Variants in DNAI7 observed in about 807,000 individuals in gnomAD.
The protein encoded by DNAI7 is dynein axonemal intermediate chain 7.
Under a neutral mutation model 86.6 loss-of-function variants are expected in DNAI7, and 78 were observed. The observed-to-expected ratio is 0.90, with a 90% CI of 0.75 to 1.09. The LOEUF is 1.09. DNAI7 is among the 50% of genes least tolerant of loss of function. The pLI, the probability that DNAI7 is intolerant of heterozygous loss-of-function variation, is 0.00. For synonymous variants in DNAI7, 274 were observed against 273.0 expected, an observed-to-expected ratio of 1.00 and a Z score of -0.04; for missense variants, 753 against 810.2, an observed-to-expected ratio of 0.93 and a Z score of 0.86.
intron 1 of DNAI7, among the ~76,000 whole-genome samples, chr12:25,192,501 T>C (rs149297352): frequency 6.6e-6 from 1 of 152,282 alleles, no homozygotes; most frequent in African/African-American, 2.4e-5. Context: ...TGTGGTTTAG[T>C]AGATGTTATG....
intron 9 of DNAI7, among the ~76,000 whole-genome samples, chr12:25,138,213 C>T (rs905447403): frequency 2.0e-5 from 3 of 152,134 alleles, no homozygotes; most frequent in African/African-American, 7.2e-5. Flanking sequence ...CCTGTAATCC[C>T]AGCAGTTTTG....
intron 3 of DNAI7, 154 bp from the exon 4 acceptor site, chr12:25,158,717 C>A: frequency 6.8e-7 from 1 of 1,475,826 alleles, no homozygotes; most frequent in Non-Finnish European, 9.0e-7. Context: ...AGTGTCAGTT[C>A]TCCTTTCTTC....
chr12:25,183,211 T>C (rs1949722496), intron 2 of DNAI7, among the ~76,000 whole-genome samples: 1 of 151,738 alleles, frequency 6.6e-6, no homozygotes, highest in Non-Finnish European at 1.5e-5. Flanking sequence ...GTAGAAACAA[T>C]AGACACTGGG....
At chr12:25,141,927 G>A (rs1482070841) in intron 9 of DNAI7, among the ~76,000 whole-genome samples, 1 of 152,180 alleles carries the variant, frequency 6.6e-6, no homozygotes, top group Non-Finnish European at 1.5e-5. Flanking sequence ...CTGATGGTGG[G>A]AATGTAAACT....
chr12:25,155,389 T>G lies in DNAI7; in HGVS notation c.222A>C (p.Glu74Asp), dbSNP rs138918087. 210 of 1,598,550 alleles carry G rather than the reference T, an allele frequency of 1.3e-4. No individual in the cohort carries two copies. The highest frequency in any genetic ancestry group is 1.5e-4 in the Non-Finnish European group (177 of 1,168,846). ...EAKDLERRNE[E>D]LEELYLLERC... Reference sequence around the variant, plus strand: ...TCTCTAATAAATAAAGTTCTTCAAGTTCTTCATTTCTCCTTTCTAGATCCT... The same window carrying G: ...TCTCTAATAAATAAAGTTCTTCAAGGTCTTCATTTCTCCTTTCTAGATCCT... Residue 74 changes from glutamate (E) to aspartate (D), a missense_variant, in exon 5 of 16, where the codon GAA becomes GAC. Physicochemically the swap from Glu to Asp is conservative, Grantham distance 45. Coordinates refer to ENST00000395987, the MANE Select transcript of DNAI7 (RefSeq NM_018272.5).
chr12:25,162,852 A>G (rs1946984634), intron 2 of DNAI7, among the ~76,000 whole-genome samples: 1 of 152,248 alleles, frequency 6.6e-6, no homozygotes, highest in Admixed American at 6.5e-5. Flanking sequence ...TGTGCTAGCA[A>G]TACGAGCAGC....
intron 2 of DNAI7, among the ~76,000 whole-genome samples, chr12:25,169,619 AG>A (rs1947900773): frequency 3.3e-5 from 5 of 152,222 alleles, no homozygotes; most frequent in Admixed American, 6.5e-5. Context: ...AGGCCAAGGC[AG>A]GGGGATCACC....
chr12:25,174,407 G>GATCAT (rs1565810625), intron 2 of DNAI7, among the ~76,000 whole-genome samples: 11 of 286 alleles, frequency 0.038, 4 homozygotes, highest in African/African-American at 0.052. Context: ...ATATATATGG[G>GATCAT]ATATATGGGA....
intron 15 of DNAI7, among the ~76,000 whole-genome samples, chr12:25,109,919 C>A (rs1165785758): frequency 6.6e-6 from 1 of 152,174 alleles, no homozygotes; most frequent in Non-Finnish European, 1.5e-5. Flanking sequence ...CTCAGGTGAT[C>A]TGCCCACCTC....
chr12:25,159,082 C>A (rs1946545761), intron 3 of DNAI7, among the ~76,000 whole-genome samples: 1 of 152,224 alleles, frequency 6.6e-6, no homozygotes, highest in South Asian at 2.1e-4. Context: ...GATCCCATTA[C>A]TGGGTATATA....
rs1555154890 is a variant in DNAI7 at position 25,117,938 on chromosome 12, C to CTTTCTTTTTTTTTTTT, written c.1396+1206_1396+1207insAAAAAAAAAAAAGAAA. The stretch of plus-strand genomic sequence containing the variant: ...TAAACTATTTTGATATTTTCTTTTT[C>CTTTCTTTTTTTTTTTT]TTTTTTTTTTTTTTTTTGAGACGGA... On this transcript the variant is annotated intron_variant, in intron 12 of 15. Transcript: ENST00000395987. Among the ~76,000 whole-genome samples the CTTTCTTTTTTTTTTTT allele has an allele frequency of 1.2e-4, 16 of 135,036 alleles. 1 individual carries two copies. Among genetic ancestry groups the CTTTCTTTTTTTTTTTT allele is most frequent in the Non-Finnish European group, 2.0e-4 (13 of 64,066 alleles). The allele number at this position is 135,036 out of a possible 152,430, so 88.6% of individuals were successfully genotyped here. A position where few individuals can be genotyped will look rare whatever the true frequency, so the allele number is the denominator to read the frequency against.
chr12:25,176,789 TAG>T (rs2141236683), intron 2 of DNAI7, among the ~76,000 whole-genome samples: 1 of 152,054 alleles, frequency 6.6e-6, no homozygotes, highest in East Asian at 1.9e-4. Flanking sequence ...ATGAAAAATA[TAG>T]ATTTTTGAAC....
intron 3 of DNAI7, among the ~76,000 whole-genome samples, chr12:25,160,152 A>T (rs1441090721): frequency 1.3e-5 from 2 of 152,068 alleles, no homozygotes; most frequent in Non-Finnish European, 2.9e-5. Context: ...AAAGAATAAA[A>T]ATATACATGG....
In DNAI7 at chr12:25,190,625, TGGGACCC is replaced by T; in HGVS notation, c.4-1_9del. Reference sequence around the variant, plus strand: ...AAAATTCTACATACCTTTTTTGCTTTGGGACCCTAAAAGTTGGAAAACAAAAGAATTG... The same window carrying T: ...AAAATTCTACATACCTTTTTTGCTTTTAAAAGTTGGAAAACAAAAGAATTG... On this transcript the variant is annotated splice_acceptor_variant and coding_sequence_variant, in exon 2 of 16. Transcript: ENST00000395987. LOFTEE classifies it high-confidence loss of function. 1 of 1,415,064 alleles carries T rather than the reference TGGGACCC, an allele frequency of 7.1e-7. No individual in the cohort carries two copies. The highest frequency in any genetic ancestry group is 9.7e-7 in the Non-Finnish European group (1 of 1,034,088). 87.7% of individuals were successfully genotyped at this position (1,415,064 alleles called of 1,614,324 possible). A position where few individuals can be genotyped will look rare whatever the true frequency, so the allele number is the denominator to read the frequency against.
At chr12:25,135,787 C>A (rs1382631672) in intron 9 of DNAI7, among the ~76,000 whole-genome samples, 1 of 151,892 alleles carries the variant, frequency 6.6e-6, no homozygotes, top group Non-Finnish European at 1.5e-5. Flanking sequence ...CATAATCCCC[C>A]TGGGAGCATA....
intron 9 of DNAI7, 89 bp downstream of exon 9, chr12:25,144,276 G>T: frequency 8.8e-7 from 1 of 1,132,404 alleles, no homozygotes. Flanking sequence ...ATTTCCAGTT[G>T]TTTAGGAAAA....
In DNAI7 at chr12:25,144,506, G is replaced by T. The variant is rs771735673; in HGVS notation, c.861C>A (p.Val287=). 6.2e-7 allele frequency: 1 copy of T among 1,613,968 alleles called. No individual in the cohort carries two copies. Among genetic ancestry groups the T allele is most frequent in the South Asian group, 1.1e-5 (1 of 91,062 alleles). ...KEYTSAVTEL[V]KDDVKNVEKA... is the part of the protein sequence containing the mutation. The stretch of plus-strand genomic sequence containing the variant: ...TTTCTACATTCTTAACATCATCTTT[G>T]ACAAGCTCAGTTACTGCAGAAGTGT... The change falls in exon 9 of 16, where the codon GTC becomes GTA. Residue 287 remains valine, a synonymous_variant. Coordinates refer to ENST00000395987, the MANE Select transcript of DNAI7 (RefSeq NM_018272.5).
At chr12:25,162,157 C>T (rs1031376764) in intron 2 of DNAI7, among the ~76,000 whole-genome samples, 15 of 150,288 alleles carry the variant, frequency 1.0e-4, no homozygotes, top group African/African-American at 3.4e-4. Flanking sequence ...TGAATGGGCA[C>T]TGGATGGGCC....
At chr12:25,117,218 G>A (rs1016309694) in intron 12 of DNAI7, among the ~76,000 whole-genome samples, 2 of 152,184 alleles carry the variant, frequency 1.3e-5, no homozygotes, top group Non-Finnish European at 2.9e-5. Flanking sequence ...ACAGGCATGA[G>A]CCACTGCGAC....
Sources: gnomAD v4.1 joint callset for allele counts (sites outside exome capture counted in the v4.1 genomes callset) on GRCh38, gnomAD v4.1.1 for gene constraint, MANE v1.5 for transcripts, NCBI Gene and HGNC (gene_info 2026-07-23, HGNC 2026-07-21) for gene names.